ZNRF1: variants seen among roughly 807,000 people sequenced by gnomAD.
The protein encoded by ZNRF1 is E3 ubiquitin-protein ligase ZNRF1.
ZNRF1 carries 3 observed loss-of-function variants against 18.4 expected under a neutral mutation model. The observed-to-expected ratio is 0.16, with a 90% CI of 0.07 to 0.42. The LOEUF (loss-of-function observed/expected upper bound fraction) is 0.42. Ranked by LOEUF, ZNRF1 falls within the 10% of genes least tolerant of loss-of-function variation. The pLI is 0.99. For synonymous variants in ZNRF1, 157 were observed against 144.2 expected, an observed-to-expected ratio of 1.09 and a Z score of -0.64; for missense variants, 310 against 329.8, an observed-to-expected ratio of 0.94 and a Z score of 0.47.
chr16:75,015,236 T>C (rs888526031), intron 1 of ZNRF1, among the ~76,000 whole-genome samples: 1 of 152,242 alleles, frequency 6.6e-6, no homozygotes, highest in Non-Finnish European at 1.5e-5. Context: ...AAAGATGTTA[T>C]GTTTTCTTCT....
intron 1 of ZNRF1, among the ~76,000 whole-genome samples, chr16:75,090,259 A>G (rs2036120705): frequency 6.6e-6 from 1 of 152,204 alleles, no homozygotes; most frequent in Admixed American, 6.5e-5. Context: ...CTGGATCTGC[A>G]CATTTCTAAA....
chr16:75,057,922 G>A (rs370728897), intron 1 of ZNRF1, among the ~76,000 whole-genome samples: 2 of 152,158 alleles, frequency 1.3e-5, no homozygotes, highest in African/African-American at 4.8e-5. Flanking sequence ...GTTTACAGGC[G>A]TGAGCCACCA....
At chr16:75,060,084 C>T (rs2035722882) in intron 1 of ZNRF1, among the ~76,000 whole-genome samples, 1 of 151,994 alleles carries the variant, frequency 6.6e-6, no homozygotes, top group Admixed American at 6.6e-5. Context: ...AGGCGAGTCT[C>T]ACTCTCTTGC....
chr16:75,017,185 T>C (rs1330461030), intron 1 of ZNRF1, among the ~76,000 whole-genome samples: 1 of 152,230 alleles, frequency 6.6e-6, no homozygotes, highest in East Asian at 1.9e-4. Flanking sequence ...TTAGCTATTT[T>C]TGGCACTTTG....
At chr16:75,024,101 C>T (rs1347731042) in intron 1 of ZNRF1, among the ~76,000 whole-genome samples, 1 of 152,068 alleles carries the variant, frequency 6.6e-6, no homozygotes, top group Non-Finnish European at 1.5e-5. Flanking sequence ...AACTCCTGAC[C>T]TCAGGTGATC....
At chr16:75,105,260 G>A (rs1001839066) in intron 3 of ZNRF1, 7 of 244,862 alleles carry the variant, frequency 2.9e-5, no homozygotes, top group Non-Finnish European at 5.8e-5. Flanking sequence ...CACAGGGGTA[G>A]AACATCAATC....
At chr16:75,041,780 C>T (rs938439341) in intron 1 of ZNRF1, among the ~76,000 whole-genome samples, 3 of 150,392 alleles carry the variant, frequency 2.0e-5, no homozygotes, top group Admixed American at 6.7e-5. Context: ...CTCAGGAGTT[C>T]GAGACCAGCC....
rs889842212 is a variant in ZNRF1 at position 75,108,039 on chromosome 16, G to A, written c.*339G>A. ...TTATATAAAAAAAAAGTCTAGTGTCGACTGGTGTTTTCCCTCGTGATGTTT... is the reference window on the plus strand; with the variant it reads ...TTATATAAAAAAAAAGTCTAGTGTCAACTGGTGTTTTCCCTCGTGATGTTT... On this transcript the variant is annotated 3_prime_UTR_variant, in exon 5 of 5. Transcript: ENST00000335325. 9.6e-6 allele frequency: 3 copies of A among 311,564 alleles called. No individual in the cohort carries two copies. The highest frequency in any genetic ancestry group is 2.5e-5 in the South Asian group (1 of 39,858). The allele number at this position is 311,564 out of a possible 1,614,324, so 19.3% of individuals were successfully genotyped here. A position where few individuals can be genotyped will look rare whatever the true frequency, so the allele number is the denominator to read the frequency against.
chr16:75,077,307 C>T (rs2035951671), intron 1 of ZNRF1, among the ~76,000 whole-genome samples: 1 of 152,164 alleles, frequency 6.6e-6, no homozygotes, highest in South Asian at 2.1e-4. Context: ...CTGAGGCAGG[C>T]GGATCACCTG....
At chr16:75,033,117 TC>T (rs1035297402) in intron 1 of ZNRF1, among the ~76,000 whole-genome samples, 2 of 152,200 alleles carry the variant, frequency 1.3e-5, no homozygotes, top group African/African-American at 4.8e-5. Context: ...AATACCATGT[TC>T]CTTTGATTAC....
intron 1 of ZNRF1, among the ~76,000 whole-genome samples, chr16:75,052,070 A>G (rs893344746): frequency 5.3e-5 from 8 of 152,234 alleles, no homozygotes; most frequent in Non-Finnish European, 1.0e-4. Context: ...GGTTTTGACA[A>G]GTACATGCAT....
intron 1 of ZNRF1, among the ~76,000 whole-genome samples, chr16:75,051,944 T>C (rs2035612396): frequency 6.6e-6 from 1 of 152,238 alleles, no homozygotes; most frequent in African/African-American, 2.4e-5. Context: ...ATACTTATCT[T>C]TAAATATTTC....
chr16:75,070,335 C>T (rs1350281754), intron 1 of ZNRF1, among the ~76,000 whole-genome samples: 1 of 152,120 alleles, frequency 6.6e-6, no homozygotes, highest in Non-Finnish European at 1.5e-5. Context: ...GCAAGCTTTT[C>T]GACTCCTCCC....
intron 1 of ZNRF1, among the ~76,000 whole-genome samples, chr16:75,066,077 G>A (rs1007682260): frequency 2.6e-5 from 4 of 152,184 alleles, no homozygotes; most frequent in African/African-American, 7.2e-5. Context: ...CTCCAAACTC[G>A]TTTCCCATTC....
intron 1 of ZNRF1, among the ~76,000 whole-genome samples, chr16:75,017,349 T>A (rs973900265): frequency 2.6e-5 from 4 of 152,178 alleles, no homozygotes; most frequent in Non-Finnish European, 5.9e-5. Flanking sequence ...TTTACAGATA[T>A]AAAAATAAAA....
At chr16:75,107,168 C>T (rs920535150) in intron 4 of ZNRF1, 1 of 174,414 alleles carries the variant, frequency 5.7e-6, no homozygotes, top group Non-Finnish European at 1.2e-5. Context: ...ACACATCCCC[C>T]TGGCTTACCG....
chr16:75,107,380 C>G, intron 4 of ZNRF1: 1 of 212,110 alleles, frequency 4.7e-6, no homozygotes, highest in Non-Finnish European at 9.7e-6. Flanking sequence ...TTTTCTTCCC[C>G]CCTCCCTTTC....
intron 1 of ZNRF1, among the ~76,000 whole-genome samples, chr16:75,080,254 A>G (rs2035993582): frequency 6.6e-6 from 1 of 152,220 alleles, no homozygotes; most frequent in Admixed American, 6.5e-5. Context: ...AGCAGCACAC[A>G]TTCTGCATCC....
At chr16:75,014,079 CCTTAT>C (rs1279920809) in intron 1 of ZNRF1, among the ~76,000 whole-genome samples, 2 of 152,168 alleles carry the variant, frequency 1.3e-5, no homozygotes, top group African/African-American at 4.8e-5. Flanking sequence ...GATCCACCCG[CCTTAT>C]CTTCCCAAAG....
Sources: gnomAD v4.1 joint callset for allele counts (sites outside exome capture counted in the v4.1 genomes callset) on GRCh38, gnomAD v4.1.1 for gene constraint, MANE v1.5 for transcripts, NCBI Gene and HGNC (gene_info 2026-07-23, HGNC 2026-07-21) for gene names.